Variants in MYO3A observed in about 807,000 individuals in gnomAD.
The protein encoded by MYO3A is myosin-IIIa.
In MYO3A, 180 loss-of-function variants were observed where a neutral mutation model predicts 192.7. The observed-to-expected ratio is 0.93, with a 90% CI of 0.83 to 1.06. MYO3A has a LOEUF of 1.06. Ranked by LOEUF, MYO3A falls within the 50% of genes least tolerant of loss-of-function variation. The probability of loss-of-function intolerance (pLI) is 0.00; values close to 1 mark genes in which losing one functional copy is unlikely to be tolerated. For missense variants in MYO3A, 1,896 were observed against 1,905.0 expected (o/e 1.00, Z 0.09); for synonymous variants, 628 against 645.3 (o/e 0.97, Z 0.41).
intron 6 of MYO3A, among the ~76,000 whole-genome samples, chr10:26,011,506 A>G (rs573197289): frequency 6.6e-6 from 1 of 152,276 alleles, no homozygotes; most frequent in South Asian, 2.1e-4. Flanking sequence ...ATTTCAACAA[A>G]CTAGAAAACA....
At chr10:25,974,429 C>A (rs1408747529) in intron 4 of MYO3A, among the ~76,000 whole-genome samples, 1 of 152,166 alleles carries the variant, frequency 6.6e-6, no homozygotes, top group Non-Finnish European at 1.5e-5. Flanking sequence ...TACTCTTAGG[C>A]TTTAATTTTC....
intron 4 of MYO3A, among the ~76,000 whole-genome samples, chr10:25,978,458 A>G (rs1564422965): frequency 3.3e-5 from 5 of 152,164 alleles, no homozygotes; most frequent in Admixed American, 2.0e-4. Flanking sequence ...ACCATCAAAT[A>G]TCATGAGACT....
chr10:26,168,841 A>C lies in MYO3A; in HGVS notation c.3241A>C (p.Lys1081Gln). 6.2e-7 allele frequency: 1 copy of C among 1,612,170 alleles called. No individual in the cohort carries two copies. Among genetic ancestry groups the C allele is most frequent in the Non-Finnish European group, 8.5e-7 (1 of 1,179,406 alleles). The change falls in exon 28 of 35, where the codon AAA becomes CAA. Residue 1081 changes from lysine (K) to glutamine (Q), a missense_variant. Physicochemically the swap from Lys to Gln is moderately conservative, Grantham distance 53 (BLOSUM62 1). Transcript: ENST00000642920. ...CSRRYQKIQEKRKESAIIIQS... is the reference protein window; with the variant it reads ...CSRRYQKIQEQRKESAIIIQS... ...AAGAAGATACCAAAAAATACAGGAGAAAAGGAAAGAAAGCGCTATAATAAT... is the reference window on the plus strand; with the variant it reads ...AAGAAGATACCAAAAAATACAGGAGCAAAGGAAAGAAAGCGCTATAATAAT...
At chr10:25,972,647 A>G (rs923923459) in intron 4 of MYO3A, among the ~76,000 whole-genome samples, 1 of 152,066 alleles carries the variant, frequency 6.6e-6, no homozygotes, top group African/African-American at 2.4e-5. Context: ...AGTAAAATCT[A>G]TTTTCCCCAT....
Position 26,193,254 on chromosome 10 carries a change from C to T in MYO3A, c.4488C>T (p.Pro1496=). The change falls in exon 32 of 35, where the codon CCC becomes CCT. Residue 1496 remains proline (P), a synonymous_variant. Coordinates refer to ENST00000642920, the MANE Select transcript of MYO3A (RefSeq NM_017433.5). ...EPKILRPPRR[P]RKPKTLNNPE... is the part of the protein sequence containing the mutation. The stretch of plus-strand genomic sequence containing the variant: ...AAATATTGAGACCCCCAAGACGACC[C>T]CGGAAACCCAAAACATTAAATAACC... 4 of 1,613,986 alleles carry T rather than the reference C, an allele frequency of 2.5e-6. No individual in the cohort carries two copies. Among genetic ancestry groups the T allele is most frequent in the Non-Finnish European group, 3.4e-6 (4 of 1,179,970 alleles).
intron 10 of MYO3A, among the ~76,000 whole-genome samples, chr10:26,065,442 T>G (rs1834758540): frequency 6.6e-6 from 1 of 151,756 alleles, no homozygotes; most frequent in Non-Finnish European, 1.5e-5. Flanking sequence ...AAAAATTAGC[T>G]GAGCGTGGTG....
intron 10 of MYO3A, among the ~76,000 whole-genome samples, chr10:26,066,029 G>A (rs1394939924): frequency 1.1e-5 from 1 of 91,148 alleles, no homozygotes; most frequent in Non-Finnish European, 2.5e-5. Context: ...GGCTGAGGCA[G>A]GAGAATGGCG....
chr10:25,992,400 G>C (rs1413181082), intron 4 of MYO3A, among the ~76,000 whole-genome samples: 2 of 152,184 alleles, frequency 1.3e-5, no homozygotes, highest in African/African-American at 2.4e-5. Flanking sequence ...TCAACTTAAG[G>C]AGATTTTGGG....
intron 4 of MYO3A, among the ~76,000 whole-genome samples, chr10:25,984,794 T>G (rs1212468239): frequency 6.6e-6 from 1 of 152,178 alleles, no homozygotes; most frequent in Non-Finnish European, 1.5e-5. Flanking sequence ...AACCTGCTCC[T>G]AAATGATCAT....
Position 26,153,831 on chromosome 10 carries a change from T to G in MYO3A, c.2636-19T>G. 4.1e-6 allele frequency: 6 copies of G among 1,466,364 alleles called. No homozygotes were observed. The highest frequency in any genetic ancestry group is 1.1e-5 in the South Asian group (1 of 87,836). The allele number at this position is 1,466,364 out of a possible 1,614,324, so 90.8% of individuals were successfully genotyped here. ...TAAGGATTCTAAAAGGTATATTACATTTTTCTACATTCTCATAGGTAATCT... is the reference window on the plus strand; with the variant it reads ...TAAGGATTCTAAAAGGTATATTACAGTTTTCTACATTCTCATAGGTAATCT... On this transcript the variant is annotated intron_variant, in intron 23 of 34. Transcript: ENST00000642920.
At chr10:25,957,234 G>A (rs1254648946) in intron 4 of MYO3A, among the ~76,000 whole-genome samples, 1 of 152,068 alleles carries the variant, frequency 6.6e-6, no homozygotes. Context: ...AATCGTGGGG[G>A]CAGGTCTTTC....
chr10:26,091,737 G>A (rs1257724402), intron 15 of MYO3A, among the ~76,000 whole-genome samples: 2 of 152,206 alleles, frequency 1.3e-5, no homozygotes, highest in East Asian at 1.9e-4. Context: ...TTTTAAAAGT[G>A]AGAAACTAAG....
At chr10:26,019,468 C>G (rs1842182421) in intron 7 of MYO3A, among the ~76,000 whole-genome samples, 1 of 152,070 alleles carries the variant, frequency 6.6e-6, no homozygotes. Flanking sequence ...AGGCAACTGC[C>G]ACCACGCCTG....
rs1462033327 is a variant in MYO3A at position 26,211,893 on chromosome 10, C to T, written c.4781C>T (p.Ala1594Val). Residue 1594 changes from alanine (A) to valine (V), a missense_variant, in exon 35 of 35, where the codon GCC (alanine) becomes GTC (valine). By Grantham distance (64) the Ala-to-Val change is moderately conservative. Coordinates refer to ENST00000642920, the MANE Select transcript of MYO3A (RefSeq NM_017433.5). ...PEKEEEREPAANPYDFRRLLR... is the reference protein window; with the variant it reads ...PEKEEEREPAVNPYDFRRLLR... ...AAGGAGGAGGAGAGAGAGCCAGCAGCCAACCCCTACGACTTCAGGAGGCTC... is the reference window on the plus strand; with the variant it reads ...AAGGAGGAGGAGAGAGAGCCAGCAGTCAACCCCTACGACTTCAGGAGGCTC... 13 of 1,614,054 alleles carry T rather than the reference C, an allele frequency of 8.1e-6. No homozygotes were observed. Among genetic ancestry groups the T allele is most frequent in the East Asian group, 2.2e-5 (1 of 44,876 alleles).
At chr10:25,946,474 C>T (rs1455684016) in intron 2 of MYO3A, among the ~76,000 whole-genome samples, 1 of 151,598 alleles carries the variant, frequency 6.6e-6, no homozygotes, top group Non-Finnish European at 1.5e-5. Flanking sequence ...CTTGAGAGTC[C>T]CTTGTATGTG....
chr10:26,136,399 G>C (rs941373454), intron 20 of MYO3A, among the ~76,000 whole-genome samples: 3 of 152,168 alleles, frequency 2.0e-5, no homozygotes, highest in Non-Finnish European at 4.4e-5. Context: ...TGTTCCCCAG[G>C]TGTAAGTTCT....
Position 26,176,859 on chromosome 10 carries a change from G to A in MYO3A, c.4438+14G>A. 1 of 1,613,264 alleles carries A rather than the reference G, an allele frequency of 6.2e-7. No individual in the cohort carries two copies. The highest frequency in any genetic ancestry group is 1.3e-5 in the African/African-American group (1 of 75,032). ...AGTGCCTCTCAGGTAAAAATCAGTA[G>A]AGTTAGAACTTCCTGAATGGGAAGG... On this transcript the variant is annotated intron_variant, in intron 31 of 34. Coordinates refer to ENST00000642920, the MANE Select transcript of MYO3A (RefSeq NM_017433.5).
At chr10:26,110,373 T>G (rs1351801035) in intron 17 of MYO3A, among the ~76,000 whole-genome samples, 1 of 152,206 alleles carries the variant, frequency 6.6e-6, no homozygotes, top group African/African-American at 2.4e-5. Flanking sequence ...AATCCATTGT[T>G]TAATGCATTT....
chr10:25,986,899 G>A (rs1171708447), intron 4 of MYO3A, among the ~76,000 whole-genome samples: 1 of 152,046 alleles, frequency 6.6e-6, no homozygotes, highest in African/African-American at 2.4e-5. Context: ...AGCCCAAATA[G>A]CCAAAGCAAG....
Sources: allele counts gnomAD v4.1 joint callset (sites outside exome capture counted in the v4.1 genomes callset), GRCh38; gene constraint gnomAD v4.1.1; transcripts MANE v1.5; gene names NCBI Gene and HGNC (gene_info 2026-07-23, HGNC 2026-07-21).